LHX4: variants seen among roughly 807,000 people sequenced by gnomAD.
LHX4 encodes the protein LIM/homeobox protein Lhx4.
LHX4 carries 16 observed loss-of-function variants against 39.2 expected under a neutral mutation model. The ratio of observed to expected loss-of-function variants is 0.41; its 90% CI spans 0.28 to 0.62. The LOEUF is 0.62. Ranked by LOEUF, LHX4 falls within the 20% of genes least tolerant of loss-of-function variation. LHX4 has a pLI of 0.33. For synonymous variants in LHX4, 206 were observed against 198.1 expected (o/e 1.04, Z -0.33); for missense variants, 439 against 511.9 (o/e 0.86, Z 1.37).
In LHX4 at chr1:180,230,483, G is replaced by A. The variant is rs1342587070; in HGVS notation, c.-47G>A. ...ATTTCTGAATCGAGCTAGAGCGAGA[G>A]AGCGAGAGATCTCCGTAGACTGCGA... On this transcript the variant is annotated 5_prime_UTR_variant, in exon 1 of 6. Coordinates refer to ENST00000263726, the MANE Select transcript of LHX4 (RefSeq NM_033343.4). The surrounding 1 kb of genome is among the most constrained non-coding windows in gnomAD (Gnocchi z 5.8). 2.7e-6 allele frequency: 4 copies of A among 1,488,436 alleles called. No individual in the cohort carries two copies. The highest frequency in any genetic ancestry group is 3.7e-6 in the Non-Finnish European group (4 of 1,067,664). 92.2% of individuals were successfully genotyped at this position (1,488,436 alleles called of 1,614,324 possible). A position where few individuals can be genotyped will look rare whatever the true frequency, so the allele number is the denominator to read the frequency against.
rs561551572 is a variant in LHX4, at chr1:180,245,392, AGCCCCTGATG to A, written c.77-2875_77-2866del. Among the ~76,000 whole-genome samples, 123 of 152,258 alleles carry A rather than the reference AGCCCCTGATG, an allele frequency of 8.1e-4. 1 individual carries two copies. The East Asian group carries it at 9.1e-3, about 11-fold the overall frequency. On this transcript the variant is annotated intron_variant, in intron 1 of 5. Transcript: ENST00000263726. ...CCAGGGCCCTCCAGGGATTCCAGCC[AGCCCCTGATG>A]GCCCCTGATGGCCCCTGGAGGGAGA...
At chr1:180,264,974 C>T (rs913513642) in intron 2 of LHX4, among the ~76,000 whole-genome samples, 1 of 152,186 alleles carries the variant, frequency 6.6e-6, no homozygotes, top group Non-Finnish European at 1.5e-5. Context: ...ATGCTGTGTC[C>T]CTGGTGGGGG....
In LHX4 at chr1:180,230,684, G is replaced by A. The variant is rs1664156167; in HGVS notation, c.76+79G>A. ...TCAGCCGCTGCGGGGCGGGCCGGACGCCGCTCAGGGGCCGGGAGGGGCTGG... is the reference window on the plus strand; with the variant it reads ...TCAGCCGCTGCGGGGCGGGCCGGACACCGCTCAGGGGCCGGGAGGGGCTGG... On this transcript the variant is annotated intron_variant, in intron 1 of 5. Coordinates refer to ENST00000263726, the MANE Select transcript of LHX4 (RefSeq NM_033343.4). This position sits in a 1 kb window ranked among gnomAD's most constrained non-coding sequence, Gnocchi z 5.8. The A allele has an allele frequency of 1.4e-6, 2 of 1,383,538 alleles. No homozygotes were observed. The highest frequency in any genetic ancestry group is 2.4e-5 in the South Asian group (2 of 84,286). 85.7% of individuals were successfully genotyped at this position (1,383,538 alleles called of 1,614,324 possible).
At chr1:180,271,667 A>T (rs1571294714) in intron 4 of LHX4, 133 bp downstream of exon 4, 2 of 1,351,424 alleles carry the variant, frequency 1.5e-6, no homozygotes, top group East Asian at 4.6e-5. Context: ...AGAACTGAAG[A>T]CAGAGTTCTG....
chr1:180,228,912 A>T (rs355615), upstream of LHX4, among the ~76,000 whole-genome samples: 6 of 152,052 alleles, frequency 3.9e-5, no homozygotes, highest in East Asian at 1.2e-3. Flanking sequence ...CTGGAAGGAC[A>T]CGTATGTCTG....
At chr1:180,269,548 A>T (rs930384269) in intron 3 of LHX4, 1 of 152,250 alleles carries the variant, frequency 6.6e-6, no homozygotes, top group Non-Finnish European at 1.5e-5. Context: ...AACCAGGATG[A>T]CGGGTCTATC....
intron 1 of LHX4, among the ~76,000 whole-genome samples, chr1:180,236,433 T>A (rs355629): frequency 6.6e-6 from 1 of 152,180 alleles, no homozygotes; most frequent in South Asian, 2.1e-4. Context: ...TTACTTAGCA[T>A]CCACATTAGT....
rs1210898416 is a variant in LHX4 at position 180,234,174 on chromosome 1, T to G, written c.76+3569T>G. 9.2e-5 allele frequency among the ~76,000 whole-genome samples: 1 copy of G among 10,864 alleles called. No homozygotes were observed. Among genetic ancestry groups the G allele is most frequent in the South Asian group, 4.1e-3 (1 of 242 alleles). 7.1% of individuals were successfully genotyped at this position (10,864 alleles called of 152,430 possible). A position where few individuals can be genotyped will look rare whatever the true frequency, so the allele number is the denominator to read the frequency against. ...ACACACACAACACACACAAATTATA[T>G]ATATATATATATATATATATATATA... On this transcript the variant is annotated intron_variant, in intron 1 of 5. Transcript: ENST00000263726. This position sits in a 1 kb window ranked among gnomAD's most constrained non-coding sequence, Gnocchi z 4.8.
rs869109927 is a variant in LHX4, at chr1:180,234,170, TA to T, written c.76+3566del. Among the ~76,000 whole-genome samples the T allele has an allele frequency of 0.064, 134 of 2,102 alleles. No individual in the cohort carries two copies. The highest frequency in any genetic ancestry group is 0.14 in the African/African-American group (92 of 648). The allele number at this position is 2,102 out of a possible 152,430, so 1.4% of individuals were successfully genotyped here. ...ACAGACACACACAACACACACAAATTATATATATATATATATATATATATAT... is the reference window on the plus strand; with the variant it reads ...ACAGACACACACAACACACACAAATTTATATATATATATATATATATATAT... On this transcript the variant is annotated intron_variant, in intron 1 of 5. Transcript: ENST00000263726. The surrounding 1 kb of genome is among the most constrained non-coding windows in gnomAD (Gnocchi z 4.8).
intron 2 of LHX4, among the ~76,000 whole-genome samples, chr1:180,250,792 C>T (rs2149257490): frequency 6.6e-6 from 1 of 152,232 alleles, no homozygotes; most frequent in South Asian, 2.1e-4. Flanking sequence ...GTGATGGCAG[C>T]GCAGGCGTGG....
intron 3 of LHX4, among the ~76,000 whole-genome samples, chr1:180,267,404 C>A (rs150556174): frequency 6.6e-6 from 1 of 152,398 alleles, no homozygotes; most frequent in East Asian, 1.9e-4. Context: ...ACATGCCATG[C>A]GCTTGGGCAG....
Position 180,262,566 on chromosome 1 carries a change from T to C in LHX4, c.249-3826T>C, listed in dbSNP as rs144087547. On this transcript the variant is annotated intron_variant, in intron 2 of 5. Transcript: ENST00000263726. Reference sequence around the variant, plus strand: ...ACACTTACCAAAGTATGCAACTTTTTTTGGTGGGAAGAGGGATTGTCCTGT... The same window carrying C: ...ACACTTACCAAAGTATGCAACTTTTCTTGGTGGGAAGAGGGATTGTCCTGT... Among the ~76,000 whole-genome samples, 112 of 152,248 alleles carry C rather than the reference T, an allele frequency of 7.4e-4. 1 individual carries two copies. The highest frequency in any genetic ancestry group is 6.8e-3 in the Middle Eastern group (2 of 294).
chr1:180,252,645 T>G (rs1462362030), intron 2 of LHX4, among the ~76,000 whole-genome samples: 1 of 152,132 alleles, frequency 6.6e-6, no homozygotes, highest in African/African-American at 2.4e-5. Context: ...CCAGGGGGCA[T>G]CCTCCTGTCA....
rs746272291 is a variant in LHX4, at chr1:180,275,977, C to T, written c.*1398C>T. 6.6e-6 allele frequency: 1 copy of T among 152,236 alleles called. No individual in the cohort carries two copies. The highest frequency in any genetic ancestry group is 1.5e-5 in the Non-Finnish European group (1 of 68,058). 9.4% of individuals were successfully genotyped at this position (152,236 alleles called of 1,614,324 possible). On this transcript the variant is annotated 3_prime_UTR_variant, in exon 6 of 6. Coordinates refer to ENST00000263726, the MANE Select transcript of LHX4 (RefSeq NM_033343.4). The stretch of plus-strand genomic sequence containing the variant: ...CTGCACTGCTGTGGGAAACGCTGTC[C>T]TGAATGGTGCTGCAGCTCCCACCCA...
At chr1:180,254,154 G>A (rs1211736344) in intron 2 of LHX4, among the ~76,000 whole-genome samples, 5 of 152,298 alleles carry the variant, frequency 3.3e-5, no homozygotes, top group Non-Finnish European at 5.9e-5. Flanking sequence ...TGCCCGTCAG[G>A]GGGCGTGGAG....
chr1:180,248,001 G>A lies in LHX4; in HGVS notation c.77-284G>A, dbSNP rs57664116. Among the ~76,000 whole-genome samples, 27,881 of 152,138 alleles carry A rather than the reference G, an allele frequency of 0.18. 2,691 individuals carry two copies. Among genetic ancestry groups the A allele is most frequent in the African/African-American group, 0.2 (8,383 of 41,486 alleles). ...TGGGTTAGCTGCTGCTGCTAGCCTT[G>A]TGGTGCCCTTAGAAACGAGTGATTC... On this transcript the variant is annotated intron_variant, in intron 1 of 5. Coordinates refer to ENST00000263726, the MANE Select transcript of LHX4 (RefSeq NM_033343.4).
intron 2 of LHX4, among the ~76,000 whole-genome samples, chr1:180,254,582 G>A (rs921990040): frequency 8.5e-5 from 13 of 152,226 alleles, no homozygotes; most frequent in Non-Finnish European, 1.9e-4. Context: ...GCCCACTCTG[G>A]TGACCAGGGC....
chr1:180,256,881 G>C (rs1464464666), intron 2 of LHX4, among the ~76,000 whole-genome samples: 1 of 152,226 alleles, frequency 6.6e-6, no homozygotes, highest in African/African-American at 2.4e-5. Context: ...GGGTGACCTT[G>C]GGCCAGGCAG....
chr1:180,267,334 G>A (rs1324718828), intron 3 of LHX4, among the ~76,000 whole-genome samples: 9 of 152,384 alleles, frequency 5.9e-5, no homozygotes, highest in African/African-American at 1.7e-4. Context: ...GTCAGGTCCC[G>A]CATTTAGCAG....
Sources: allele counts gnomAD v4.1 joint callset (sites outside exome capture counted in the v4.1 genomes callset), GRCh38; gene constraint gnomAD v4.1.1; non-coding constraint Gnocchi (gnomAD v3.1); transcripts MANE v1.5; gene names NCBI Gene and HGNC (gene_info 2026-07-23, HGNC 2026-07-21).